The following TC2N variants were observed in gnomAD, a reference collection of about 807,000 sequenced individuals.
TC2N encodes tandem C2 domains, nuclear, also known as tandem C2 domains nuclear protein.
A neutral mutation model predicts 61.9 loss-of-function variants in TC2N; 51 were observed. That is an observed-to-expected ratio of 0.82 (90% CI 0.66 to 1.04). The LOEUF is 1.04. Ranked by LOEUF, TC2N falls within the 50% of genes least tolerant of loss-of-function variation. The pLI, the probability that TC2N is intolerant of heterozygous loss-of-function variation, is 0.00. For missense variants in TC2N, 556 were observed against 566.7 expected, an observed-to-expected ratio of 0.98 and a Z score of 0.19; for synonymous variants, 204 against 192.6, an observed-to-expected ratio of 1.06 and a Z score of -0.49.
At chr14:91,838,948 A>G (rs1888116106) in intron 1 of TC2N, among the ~76,000 whole-genome samples, 1 of 152,200 alleles carries the variant, frequency 6.6e-6, no homozygotes, top group South Asian at 2.1e-4. Flanking sequence ...ATCGTCCTCA[A>G]AATACTATGA....
intron 9 of TC2N, among the ~76,000 whole-genome samples, chr14:91,791,184 AGGGG>A (rs1431712176): frequency 1.2e-4 from 2 of 16,600 alleles, no homozygotes; most frequent in Non-Finnish European, 2.2e-4. Flanking sequence ...AAAGGAGGGG[AGGGG>A]AGGGGAGGGG....
intron 1 of TC2N, among the ~76,000 whole-genome samples, chr14:91,824,372 CAT>C (rs532426903): frequency 5.1e-4 from 77 of 152,178 alleles, no homozygotes; most frequent in Non-Finnish European, 1.0e-3. Context: ...GCTGGTCTGA[CAT>C]AGTCTAGGAA....
chr14:91,856,838 C>T (rs979878265), intron 1 of TC2N, among the ~76,000 whole-genome samples: 1 of 152,176 alleles, frequency 6.6e-6, no homozygotes, highest in African/African-American at 2.4e-5. Context: ...CCTAGTGCCA[C>T]CAGAGTTTAC....
chr14:91,819,359 A>G (rs1426959336), intron 1 of TC2N, among the ~76,000 whole-genome samples: 2 of 152,072 alleles, frequency 1.3e-5, no homozygotes, highest in East Asian at 3.8e-4. Context: ...TAAAAAGGAT[A>G]GTAGCATAGC....
Position 91,785,438 on chromosome 14 carries a change from T to G in TC2N, c.1163-77A>C, listed in dbSNP as rs1885319448. 4.0e-6 allele frequency: 4 copies of G among 992,986 alleles called. No individual in the cohort carries two copies. In the South Asian group the frequency reaches 6.1e-5, roughly 15 times the overall value. 61.5% of individuals were successfully genotyped at this position (992,986 alleles called of 1,614,324 possible). A position where few individuals can be genotyped will look rare whatever the true frequency, so the allele number is the denominator to read the frequency against. On this transcript the variant is annotated intron_variant, in intron 10 of 11. Transcript: ENST00000435962. ...AAGATGTGTATATACACATCCAAGT[T>G]GGAATATATATATATAACATTTATT...
At chr14:91,816,356 T>G (rs1887000747) in intron 1 of TC2N, among the ~76,000 whole-genome samples, 1 of 151,854 alleles carries the variant, frequency 6.6e-6, no homozygotes, top group Non-Finnish European at 1.5e-5. Flanking sequence ...TTGTTTTAAT[T>G]TATATCTCTC....
chr14:91,835,187 T>G (rs1484353918), intron 1 of TC2N, among the ~76,000 whole-genome samples: 1 of 152,246 alleles, frequency 6.6e-6, no homozygotes, highest in African/African-American at 2.4e-5. Flanking sequence ...TATTATGGCC[T>G]CTTCCTCAGT....
chr14:91,780,988 A>G lies in TC2N; in HGVS notation c.*2112T>C, dbSNP rs1374908297. The stretch of plus-strand genomic sequence containing the variant: ...GTAAGGGTTTTCTTTTTATTGTTTT[A>G]TTTACCTAGGATTCTAAGAAACTGA... On this transcript the variant is annotated 3_prime_UTR_variant, in exon 12 of 12. Transcript: ENST00000435962. The G allele has an allele frequency of 2.0e-5, 3 of 151,874 alleles. No individual in the cohort carries two copies. The highest frequency in any genetic ancestry group is 2.9e-5 in the Non-Finnish European group (2 of 67,960). The allele number at this position is 151,874 out of a possible 1,614,324, so 9.4% of individuals were successfully genotyped here. A position where few individuals can be genotyped will look rare whatever the true frequency, so the allele number is the denominator to read the frequency against.
chr14:91,819,489 A>G (rs922411157), intron 1 of TC2N, among the ~76,000 whole-genome samples: 9 of 152,198 alleles, frequency 5.9e-5, no homozygotes, highest in Non-Finnish European at 1.2e-4. Context: ...GGTGACATAA[A>G]GACTTCTTCA....
intron 1 of TC2N, among the ~76,000 whole-genome samples, chr14:91,846,450 T>A (rs1888273059): frequency 6.6e-6 from 1 of 151,946 alleles, no homozygotes; most frequent in Non-Finnish European, 1.5e-5. Context: ...TGGTGACAAG[T>A]CCTCGGCTGC....
chr14:91,830,121 G>C lies in TC2N; in HGVS notation c.-56-16296C>G, dbSNP rs780456254. On this transcript the variant is annotated intron_variant, in intron 1 of 11. Transcript: ENST00000435962. The stretch of plus-strand genomic sequence containing the variant: ...GAATGTAAAATGGTGCAGCTGTTTT[G>C]GAAAACACTTTGGCAATTCCTCAAA... Among the ~76,000 whole-genome samples, 88 of 152,216 alleles carry C rather than the reference G, an allele frequency of 5.8e-4. 1 individual carries two copies. In the Middle Eastern group the frequency reaches 0.014, roughly 24 times the overall value.
At chr14:91,789,854 C>T (rs1885560078) in intron 9 of TC2N, among the ~76,000 whole-genome samples, 1 of 152,142 alleles carries the variant, frequency 6.6e-6, no homozygotes, top group Admixed American at 6.5e-5. Context: ...AATAATGTAT[C>T]CTTTTATTCA....
intron 1 of TC2N, among the ~76,000 whole-genome samples, chr14:91,841,416 C>A (rs1253250187): frequency 6.6e-6 from 1 of 152,104 alleles, no homozygotes; most frequent in Non-Finnish European, 1.5e-5. Flanking sequence ...GTTAGGTTGG[C>A]CAAAAAGAAG....
chr14:91,839,799 C>T (rs888016074), intron 1 of TC2N, among the ~76,000 whole-genome samples: 5 of 152,174 alleles, frequency 3.3e-5, no homozygotes, highest in African/African-American at 4.8e-5. Context: ...AAAAATATTT[C>T]TGAGTGCCTG....
intron 1 of TC2N, among the ~76,000 whole-genome samples, chr14:91,828,508 C>T (rs4900089): frequency 0.41 from 62,125 of 151,568 alleles, 12,930 homozygotes; most frequent in South Asian, 0.52. Flanking sequence ...AACTACAGTA[C>T]CATCACACTT....
intron 1 of TC2N, among the ~76,000 whole-genome samples, chr14:91,862,902 GC>G (rs1888623091): frequency 6.6e-6 from 1 of 152,188 alleles, no homozygotes; most frequent in Non-Finnish European, 1.5e-5. Flanking sequence ...AACAACAAAA[GC>G]CAGAAGCAAA....
chr14:91,827,547 T>C (rs1887556170), intron 1 of TC2N, among the ~76,000 whole-genome samples: 1 of 152,178 alleles, frequency 6.6e-6, no homozygotes, highest in Non-Finnish European at 1.5e-5. Context: ...AATCTCTCTT[T>C]CATTTATAAA....
chr14:91,806,624 G>A (rs1451273681), intron 3 of TC2N, among the ~76,000 whole-genome samples: 3 of 152,132 alleles, frequency 2.0e-5, no homozygotes, highest in Non-Finnish European at 4.4e-5. Flanking sequence ...AGGGTATCTG[G>A]TGGAAGAAAT....
chr14:91,864,553 T>C (rs774068186), intron 1 of TC2N, among the ~76,000 whole-genome samples: 2 of 152,176 alleles, frequency 1.3e-5, no homozygotes, highest in Non-Finnish European at 2.9e-5. Context: ...AGTTTTGCAA[T>C]GTCAAATTCA....
Sources: gnomAD v4.1 joint callset for allele counts (sites outside exome capture counted in the v4.1 genomes callset) on GRCh38, gnomAD v4.1.1 for gene constraint, MANE v1.5 for transcripts, NCBI Gene and HGNC (gene_info 2026-07-23, HGNC 2026-07-21) for gene names.